The following PHF12 variants were observed in gnomAD, a reference collection of about 807,000 sequenced individuals.
The protein encoded by PHF12 is PHD factor 1.
Under a neutral mutation model 99.8 loss-of-function variants are expected in PHF12, and 6 were observed. That is an observed-to-expected ratio of 0.06 (90% CI 0.03 to 0.12). The LOEUF is 0.12. Among genes scored for constraint, PHF12 ranks in the 10% least tolerant of loss-of-function variants. The pLI is 1.00. For missense variants in PHF12, 954 were observed against 1,300.1 expected, an observed-to-expected ratio of 0.73 and a Z score of 4.09; for synonymous variants, 480 against 514.9, an observed-to-expected ratio of 0.93 and a Z score of 0.92.
In PHF12 at chr17:28,924,375, G is replaced by A. The variant is rs911694322; in HGVS notation, c.322-73C>T. ...AAGAGATGGGTGCTACAAAGTCCTGGTAGACCACTAATCAAAACTGTAAAA... is the reference window on the plus strand; with the variant it reads ...AAGAGATGGGTGCTACAAAGTCCTGATAGACCACTAATCAAAACTGTAAAA... On this transcript the variant is annotated intron_variant, in intron 3 of 14. Transcript: ENST00000332830. 7.5e-6 allele frequency: 12 copies of A among 1,603,440 alleles called. No homozygotes were observed. The African/African-American group carries it at 1.6e-4, about 21-fold the overall frequency.
intron 5 of PHF12, among the ~76,000 whole-genome samples, chr17:28,919,636 A>G (rs2040125274): frequency 6.6e-6 from 1 of 152,174 alleles, no homozygotes. Context: ...GCTACTCGGG[A>G]GGCTGAGGCA....
At chr17:28,914,912 T>C (rs954810685) in intron 7 of PHF12, among the ~76,000 whole-genome samples, 12 of 152,182 alleles carry the variant, frequency 7.9e-5, no homozygotes, top group African/African-American at 2.9e-4. Context: ...ACCTCCTGTG[T>C]CTGGGCACTG....
chr17:28,920,136 C>T (rs1400849098), intron 5 of PHF12, among the ~76,000 whole-genome samples: 1 of 152,170 alleles, frequency 6.6e-6, no homozygotes, highest in Non-Finnish European at 1.5e-5. Context: ...GAGGACTAAG[C>T]AAATGACAAC....
intron 2 of PHF12, among the ~76,000 whole-genome samples, chr17:28,944,327 A>G (rs772995279): frequency 2.7e-4 from 41 of 152,222 alleles, no homozygotes; most frequent in Non-Finnish European, 2.9e-4. Flanking sequence ...AAAATTTCCC[A>G]TAACAGTACT....
intron 9 of PHF12, 163 bp from the exon 10 acceptor site, chr17:28,911,400 G>A (rs1472144230): frequency 3.1e-6 from 3 of 975,918 alleles, no homozygotes; most frequent in Non-Finnish European, 4.4e-6. Flanking sequence ...AACGTGTGGT[G>A]AGGAAGGGCA....
intron 2 of PHF12, among the ~76,000 whole-genome samples, chr17:28,935,885 A>C (rs774808735): frequency 2.6e-5 from 4 of 152,204 alleles, no homozygotes; most frequent in Admixed American, 1.3e-4. Context: ...GGAGTCATCA[A>C]GGAGAAAACC....
At chr17:28,919,111 A>G in intron 6 of PHF12, 32 bp downstream of exon 6, 1 of 1,601,054 alleles carries the variant, frequency 6.2e-7, no homozygotes, top group Middle Eastern at 1.7e-4. Context: ...AGCTATGCCC[A>G]TTGAGGACTG....
chr17:28,922,374 G>A (rs2040182324), intron 4 of PHF12, among the ~76,000 whole-genome samples: 1 of 152,104 alleles, frequency 6.6e-6, no homozygotes, highest in African/African-American at 2.4e-5. Flanking sequence ...GATTACAGGT[G>A]TGAGCCACCA....
At chr17:28,911,346 T>G in intron 9 of PHF12, 109 bp from the exon 10 acceptor site, 1 of 1,443,938 alleles carries the variant, frequency 6.9e-7, no homozygotes, top group Non-Finnish European at 9.4e-7. Context: ...TGATGTTCCC[T>G]TCTTGATTCT....
chr17:28,912,757 T>C lies in PHF12; in HGVS notation c.1814A>G (p.Glu605Gly), dbSNP rs745307424. The C allele has an allele frequency of 6.2e-7, 1 of 1,614,118 alleles. No individual in the cohort carries two copies. The highest frequency in any genetic ancestry group is 8.5e-7 in the Non-Finnish European group (1 of 1,179,986). ...NHTVGIIVKT[E>G]NATGPSSCPQ... ...GCAAGAGCTGGGGCCAGTGGCATTC[T>C]CTGTCTTCACAATGATGCCGACGGT... The change falls in exon 9 of 15, where the codon GAG (glutamate) becomes GGG (glycine). Residue 605 changes from glutamate (E) to glycine (G), a missense_variant. By Grantham distance (98) the Glu-to-Gly change is moderately conservative. Around this residue, in one of 8 missense-constraint regions of PHF12, gnomAD observed 392 missense variants for 423.1 expected, o/e 0.93. Coordinates refer to ENST00000332830, the MANE Select transcript of PHF12 (RefSeq NM_001033561.2).
Position 28,912,581 on chromosome 17 carries a change from G to T in PHF12, c.1990C>A (p.Pro664Thr), listed in dbSNP as rs1285037755. 1.2e-6 allele frequency: 2 copies of T among 1,614,244 alleles called. No individual in the cohort carries two copies. The highest frequency in any genetic ancestry group is 2.2e-5 in the South Asian group (2 of 91,082). Reference protein sequence around the residue: ...LTDSRPLGSPPNATRVLTPPQ... With the variant: ...LTDSRPLGSPTNATRVLTPPQ... Reference sequence around the variant, plus strand: ...GGAGTGAGCACCCGGGTGGCGTTTGGGGGTGAGCCCAGTGGCCTTGAATCT... The same window carrying T: ...GGAGTGAGCACCCGGGTGGCGTTTGTGGGTGAGCCCAGTGGCCTTGAATCT... The change falls in exon 9 of 15, where the codon CCA becomes ACA. Residue 664 changes from proline (P) to threonine (T), a missense_variant. Coordinates refer to ENST00000332830, the MANE Select transcript of PHF12 (RefSeq NM_001033561.2).
intron 11 of PHF12, 177 bp from the exon 12 acceptor site, chr17:28,909,058 C>A: frequency 1.6e-6 from 1 of 619,218 alleles, no homozygotes; most frequent in South Asian, 1.9e-5. Context: ...TCTCTCCCCA[C>A]CCACAGCATT....
In PHF12 at chr17:28,908,771, T is replaced by A. The variant is rs1361694058; in HGVS notation, c.2458+12A>T. On this transcript the variant is annotated intron_variant, in intron 12 of 14. Coordinates refer to ENST00000332830, the MANE Select transcript of PHF12 (RefSeq NM_001033561.2). Reference sequence around the variant, plus strand: ...AGATTCAGTGTCTCTCCCAGCTTCCTGGCTGGCTCACCTGTCCCGATGTAG... The same window carrying A: ...AGATTCAGTGTCTCTCCCAGCTTCCAGGCTGGCTCACCTGTCCCGATGTAG... 6.2e-7 allele frequency: 1 copy of A among 1,612,880 alleles called. No individual in the cohort carries two copies. Among genetic ancestry groups the A allele is most frequent in the East Asian group, 2.2e-5 (1 of 44,866 alleles).
Position 28,910,602 on chromosome 17 carries a change from G to C in PHF12, c.2216-233C>G, listed in dbSNP as rs1045432921. On this transcript the variant is annotated intron_variant, in intron 10 of 14. Coordinates refer to ENST00000332830, the MANE Select transcript of PHF12 (RefSeq NM_001033561.2). ...TGCAGCTGCCTCCTGTAGTTGGGTG[G>C]ACTGATTTTAATTAAAGTGCCCCTA... The C allele has an allele frequency of 6.9e-6, 4 of 578,696 alleles. No individual in the cohort carries two copies. In the Admixed American group the frequency reaches 9.9e-5, roughly 14 times the overall value. 35.8% of individuals were successfully genotyped at this position (578,696 alleles called of 1,614,324 possible).
intron 7 of PHF12, 43 bp downstream of exon 7, chr17:28,917,242 G>A (rs2040077744): frequency 6.2e-7 from 1 of 1,611,012 alleles, no homozygotes; most frequent in Non-Finnish European, 8.5e-7. Context: ...AACCCATGAT[G>A]GCAGGCAGAC....
chr17:28,920,398 T>A (rs548277268), intron 5 of PHF12, among the ~76,000 whole-genome samples: 1 of 152,214 alleles, frequency 6.6e-6, no homozygotes. Flanking sequence ...GAGATCCTAT[T>A]TGAAGGAAAC....
At position 28,942,752 on chromosome 17, in the gene PHF12, G is replaced by A. The variant is rs145352171; in HGVS notation, c.248+7313C>T. On this transcript the variant is annotated intron_variant, in intron 2 of 14. Coordinates refer to ENST00000332830, the MANE Select transcript of PHF12 (RefSeq NM_001033561.2). ...AACCACTTGAACCTGGGAGGTGAAG[G>A]TTGCAGTGAGCTGAGATCACACCAC... Among the ~76,000 whole-genome samples, 1,027 of 152,110 alleles carry A rather than the reference G, an allele frequency of 6.8e-3. 8 individuals carry two copies. The highest frequency in any genetic ancestry group is 0.024 in the African/African-American group (979 of 41,450).
rs956151854 is a variant in PHF12 at position 28,951,159 on chromosome 17, G to A, written c.-199C>T. 53 of 1,427,970 alleles carry A rather than the reference G, an allele frequency of 3.7e-5. No individual in the cohort carries two copies. The highest frequency in any genetic ancestry group is 4.7e-5 in the Non-Finnish European group (52 of 1,095,852). The allele number at this position is 1,427,970 out of a possible 1,614,324, so 88.5% of individuals were successfully genotyped here. On this transcript the variant is annotated 5_prime_UTR_variant, in exon 1 of 15. Transcript: ENST00000332830. ...CAGCGTCCTCCCGACGGGCCGCGAG[G>A]GGGGAGCGGCCCCTCAGTCCCGGCC...
In PHF12 at chr17:28,946,923, AG is replaced by A. The variant is rs571029875; in HGVS notation, c.248+3141del. Among the ~76,000 whole-genome samples the A allele has an allele frequency of 2.4e-3, 373 of 152,334 alleles. 3 individuals carry two copies. Among genetic ancestry groups the A allele is most frequent in the African/African-American group, 7.8e-3 (325 of 41,570 alleles). On this transcript the variant is annotated intron_variant, in intron 2 of 14. Transcript: ENST00000332830. ...ATAATTCAGTCTTAGCCAGTTTAAAAGGGAAGCCAGAGGAAATATAACCTTA... is the reference window on the plus strand; with the variant it reads ...ATAATTCAGTCTTAGCCAGTTTAAAAGGAAGCCAGAGGAAATATAACCTTA...
Sources: allele counts gnomAD v4.1 joint callset (sites outside exome capture counted in the v4.1 genomes callset), GRCh38; gene constraint gnomAD v4.1.1; regional missense constraint gnomAD v4.1.1; transcripts MANE v1.5; gene names NCBI Gene and HGNC (gene_info 2026-07-23, HGNC 2026-07-21).